Variants in MGAT5 observed in about 807,000 individuals in gnomAD.
MGAT5 encodes alpha-1,6-mannosylglycoprotein 6-beta-N-acetylglucosaminyltransferase A.
A neutral mutation model predicts 94.3 loss-of-function variants in MGAT5; 30 were observed. The ratio of observed to expected loss-of-function variants is 0.32; its 90% confidence interval spans 0.24 to 0.43. The LOEUF (loss-of-function observed/expected upper bound fraction) is 0.43, where lower values mean the gene tolerates loss of function less well. MGAT5 is among the 20% of genes least tolerant of loss of function. The pLI is 1.00. For missense variants in MGAT5, 691 were observed against 905.5 expected (o/e 0.76, Z 3.04); for synonymous variants, 310 against 322.9 (o/e 0.96, Z 0.43).
Position 134,145,214 on chromosome 2 carries a change from CTGTG to C in MGAT5, c.-143+24951_-143+24954del, listed in dbSNP as rs59065013. ...GTAAGGTGTGTGTGTGTCTCTCTCT[CTGTG>C]TGTGTGTGTGTGTGTGTGTGTGTGT... On this transcript the variant is annotated intron_variant, in intron 1 of 16. Transcript: ENST00000409645. 2.0e-3 allele frequency among the ~76,000 whole-genome samples: 291 copies of C among 143,862 alleles called. 1 individual carries two copies. Among genetic ancestry groups the C allele is most frequent in the Admixed American group, 0.014 (208 of 14,520 alleles). 94.4% of individuals were successfully genotyped at this position (143,862 alleles called of 152,430 possible).
intron 2 of MGAT5, among the ~76,000 whole-genome samples, chr2:134,313,227 G>A (rs1390670310): frequency 6.6e-6 from 1 of 151,926 alleles, no homozygotes; most frequent in Admixed American, 6.6e-5. Flanking sequence ...CTGTCTCCAC[G>A]CCTCACAGGA....
At chr2:134,374,219 G>T (rs1285650891) in intron 10 of MGAT5, among the ~76,000 whole-genome samples, 1 of 152,166 alleles carries the variant, frequency 6.6e-6, no homozygotes, top group Non-Finnish European at 1.5e-5. Context: ...CCTCTTTCCG[G>T]TGGCTGTTTA....
At chr2:134,356,127 G>A (rs1679725834) in intron 9 of MGAT5, among the ~76,000 whole-genome samples, 1 of 152,228 alleles carries the variant, frequency 6.6e-6, no homozygotes, top group African/African-American at 2.4e-5. Flanking sequence ...AGACACACAA[G>A]AATTTGCCTT....
At chr2:134,380,160 A>G (rs1232469601) in intron 10 of MGAT5, among the ~76,000 whole-genome samples, 1 of 152,196 alleles carries the variant, frequency 6.6e-6, no homozygotes, top group Admixed American at 6.5e-5. Flanking sequence ...TTTTAGCACT[A>G]AGGGTTTAAG....
At chr2:134,174,370 A>G (rs1688359114) in intron 1 of MGAT5, among the ~76,000 whole-genome samples, 1 of 152,276 alleles carries the variant, frequency 6.6e-6, no homozygotes, top group South Asian at 2.1e-4. Flanking sequence ...GGATTTAGTT[A>G]CTGTGGGTCT....
intron 4 of MGAT5, among the ~76,000 whole-genome samples, chr2:134,321,210 C>T (rs928426124): frequency 2.6e-5 from 4 of 152,154 alleles, no homozygotes; most frequent in African/African-American, 9.7e-5. Context: ...CTCTCCTGCC[C>T]TGAGGAAAAG....
chr2:134,430,944 T>C (rs1391778579), intron 14 of MGAT5, among the ~76,000 whole-genome samples: 3 of 152,158 alleles, frequency 2.0e-5, no homozygotes, highest in Non-Finnish European at 4.4e-5. Context: ...AACAGGATGC[T>C]TGGGGATCAC....
At chr2:134,371,386 G>A (rs1358846734) in intron 10 of MGAT5, among the ~76,000 whole-genome samples, 2 of 152,138 alleles carry the variant, frequency 1.3e-5, no homozygotes, top group African/African-American at 4.8e-5. Flanking sequence ...GGGGCATAAG[G>A]GTGGGAGGAA....
At chr2:134,189,068 G>GT (rs1689185669) in intron 1 of MGAT5, among the ~76,000 whole-genome samples, 1 of 152,162 alleles carries the variant, frequency 6.6e-6, no homozygotes, top group East Asian at 1.9e-4. Context: ...TGCCTGGCAC[G>GT]TTGATGTGTT....
chr2:134,319,767 T>C, intron 4 of MGAT5: 1 of 422,448 alleles, frequency 2.4e-6, no homozygotes, highest in Admixed American at 2.6e-5. Flanking sequence ...TTTTTGGAAT[T>C]CTCCCAGTGA....
chr2:134,391,446 G>T (rs1029808015), intron 10 of MGAT5, among the ~76,000 whole-genome samples: 1 of 152,208 alleles, frequency 6.6e-6, no homozygotes, highest in African/African-American at 2.4e-5. Context: ...ATTTCTCACA[G>T]TTCTGGAGGC....
chr2:134,421,656 G>GGCAGTGGACAATTCTTCCTGT (rs1684300582), intron 12 of MGAT5, among the ~76,000 whole-genome samples: 1 of 152,110 alleles, frequency 6.6e-6, no homozygotes, highest in South Asian at 2.1e-4. Context: ...AAGTTTCGTG[G>GGCAGTGGACAATTCTTCCTGT]GCAGTGGACA....
intron 1 of MGAT5, among the ~76,000 whole-genome samples, chr2:134,166,562 C>G (rs1435783485): frequency 6.6e-6 from 1 of 152,156 alleles, no homozygotes; most frequent in Non-Finnish European, 1.5e-5. Context: ...ATTAATGTTG[C>G]CTTTCTTGTC....
At chr2:134,341,458 C>A in intron 6 of MGAT5, 132 bp from the exon 7 acceptor site, 1 of 706,700 alleles carries the variant, frequency 1.4e-6, no homozygotes, top group Non-Finnish European at 2.2e-6. Flanking sequence ...TCTAGAAAAA[C>A]AGCATTCCCC....
intron 8 of MGAT5, among the ~76,000 whole-genome samples, chr2:134,348,123 T>C (rs960907728): frequency 1.3e-5 from 2 of 152,154 alleles, no homozygotes; most frequent in African/African-American, 4.8e-5. Flanking sequence ...CGGAAAAATA[T>C]AAGTTAAGAA....
At chr2:134,189,656 C>T (rs1018777446) in intron 1 of MGAT5, among the ~76,000 whole-genome samples, 9 of 131,242 alleles carry the variant, frequency 6.9e-5, no homozygotes, top group African/African-American at 2.5e-4. Context: ...GGCTGAAGTG[C>T]AATGGCGTGA....
chr2:134,254,388 A>G lies in MGAT5; in HGVS notation c.-16A>G. ...ACGCGTTAAGAGCCAAGGACAGGTG[A>G]AGTTGCCAGAGAGCAATGGCTCTCT... On this transcript the variant is annotated 5_prime_UTR_variant, in exon 1 of 16. Coordinates refer to ENST00000281923, the MANE Select transcript of MGAT5 (RefSeq NM_002410.5). The G allele has an allele frequency of 6.2e-7, 1 of 1,613,880 alleles. No individual in the cohort carries two copies. Among genetic ancestry groups the G allele is most frequent in the Non-Finnish European group, 8.5e-7 (1 of 1,179,906 alleles).
chr2:134,158,825 C>T (rs1320390923), intron 1 of MGAT5, among the ~76,000 whole-genome samples: 1 of 152,212 alleles, frequency 6.6e-6, no homozygotes, highest in African/African-American at 2.4e-5. Flanking sequence ...TTTATTCTTA[C>T]CCCTTCTCTT....
At chr2:134,336,639 A>AT (rs949517232) in intron 5 of MGAT5, among the ~76,000 whole-genome samples, 7 of 152,158 alleles carry the variant, frequency 4.6e-5, no homozygotes, top group African/African-American at 1.4e-4. Context: ...GGAAGAGGTC[A>AT]TTTTAGTCTG....
Sources: gnomAD v4.1 joint callset for allele counts (sites outside exome capture counted in the v4.1 genomes callset) on GRCh38, gnomAD v4.1.1 for gene constraint, MANE v1.5 for transcripts, NCBI Gene and HGNC (gene_info 2026-07-23, HGNC 2026-07-21) for gene names.